MYH6: variants seen among roughly 807,000 people sequenced by gnomAD.
MYH6 encodes the protein myosin-6.
MYH6 carries 126 observed loss-of-function variants against 223.2 expected under a neutral mutation model. The observed-to-expected ratio is 0.56, with a 90% CI of 0.49 to 0.65. The LOEUF is 0.65. Ranked by LOEUF, MYH6 falls within the 30% of genes least tolerant of loss-of-function variation. The pLI is 0.00. For missense variants in MYH6, 2,040 were observed against 2,536.4 expected (o/e 0.80, Z 4.20); for synonymous variants, 978 against 1,010.2 (o/e 0.97, Z 0.61).
chr14:23,387,372 G>A (rs1477883004), intron 32 of MYH6, among the ~76,000 whole-genome samples, 157 bp downstream of exon 32: 1 of 152,196 alleles, frequency 6.6e-6, no homozygotes, highest in East Asian at 1.9e-4. Context: ...CTTGGCTTTG[G>A]AGGCAGTCAT....
intron 36 of MYH6, among the ~76,000 whole-genome samples, chr14:23,384,036 G>GGTCC (rs1890939861): frequency 6.6e-6 from 1 of 152,060 alleles, no homozygotes; most frequent in African/African-American, 2.4e-5. Flanking sequence ...AGCATTCTAG[G>GGTCC]GTCCTCTTTC....
chr14:23,397,952 C>CTTCTTCTTCTTCTTCTTT (rs1566512445), intron 15 of MYH6, among the ~76,000 whole-genome samples: 45 of 91,170 alleles, frequency 4.9e-4, no homozygotes, highest in Non-Finnish European at 6.3e-4. Context: ...TCTTCTTCTT[C>CTTCTTCTTCTTCTTCTTT]TTCTTCTTCT....
chr14:23,389,921 AG>A (rs1024752745), intron 26 of MYH6, 135 bp downstream of exon 26: 14 of 1,557,338 alleles, frequency 9.0e-6, no homozygotes, highest in Middle Eastern at 4.0e-4. Context: ...AGAGAGGGGC[AG>A]GGGAGACAGG....
intron 25 of MYH6, 91 bp downstream of exon 25, chr14:23,392,471 G>C (rs1455340936): frequency 2.0e-6 from 2 of 1,009,576 alleles, no homozygotes; most frequent in Non-Finnish European, 3.2e-6. Context: ...TGGAGTTCCA[G>C]ATATTGTGTA....
intron 20 of MYH6, 63 bp from the exon 21 acceptor site, chr14:23,394,386 CT>C: frequency 6.2e-7 from 1 of 1,604,386 alleles, no homozygotes; most frequent in Non-Finnish European, 8.5e-7. Flanking sequence ...ATCATGGGCC[CT>C]ACTAAGCAAG....
In MYH6 at chr14:23,392,620, T is replaced by A. The variant is rs1184174539; in HGVS notation, c.3284A>T (p.Lys1095Met). The change falls in exon 25 of 39, where the codon AAG becomes ATG. Residue 1095 changes from lysine to methionine, a missense_variant. This residue lies in a region of MYH6 where 1,203 missense variants were observed against 1,400.2 expected (regional missense o/e 0.86). Transcript: ENST00000405093. ...GGCCAGCACCTGCTCATCCTCAATC[T>A]TACTGTTCTGCTGATTAATGTCAAA... is the stretch of plus-strand genomic sequence containing the variant. ...KEFDINQQNSKIEDEQVLALQ... is the reference protein window; with the variant it reads ...KEFDINQQNSMIEDEQVLALQ... The A allele has an allele frequency of 1.9e-6, 3 of 1,612,686 alleles. No individual in the cohort carries two copies. Among genetic ancestry groups the A allele is most frequent in the Non-Finnish European group, 1.7e-6 (2 of 1,179,350 alleles).
Position 23,386,147 on chromosome 14 carries a change from G to C in MYH6, c.4960-16C>G. ...TCTGGGTGTCCTGAGCATCAGGAGA[G>C]TGGGTGTGAGCAGAAGCCAGCCTCG... On this transcript the variant is annotated splice_polypyrimidine_tract_variant and intron_variant, in intron 33 of 38. Coordinates refer to ENST00000405093, the MANE Select transcript of MYH6 (RefSeq NM_002471.4). 1 of 1,614,208 alleles carries C rather than the reference G, an allele frequency of 6.2e-7. No individual in the cohort carries two copies. Among genetic ancestry groups the C allele is most frequent in the Non-Finnish European group, 8.5e-7 (1 of 1,180,014 alleles).
In MYH6 at chr14:23,383,339, G is replaced by GGGGGGGGCCCCCCCCCCCCCC; in HGVS notation, c.5566-20_5566-19insGGGGGGGGGGGGGGCCCCCCC. 9.2e-6 allele frequency: 1 copy of GGGGGGGGCCCCCCCCCCCCCC among 108,192 alleles called. No homozygotes were observed. The allele number at this position is 108,192 out of a possible 1,614,324, so 6.7% of individuals were successfully genotyped here. A position where few individuals can be genotyped will look rare whatever the true frequency, so the allele number is the denominator to read the frequency against. ...CCTCTGTCTGGGGGTGGGAGGGTGG[G>GGGGGGGGCCCCCCCCCCCCCC]AGAAGCTGGTTTGGAGGGGGAGCAA... On this transcript the variant is annotated intron_variant, in intron 36 of 38. Transcript: ENST00000405093.
At position 23,387,853 on chromosome 14, in the gene MYH6, C is replaced by A. The variant is rs147586142; in HGVS notation, c.4430G>T (p.Arg1477Leu). 7 of 1,613,938 alleles carry A rather than the reference C, an allele frequency of 4.3e-6. No individual in the cohort carries two copies. The African/African-American group carries it at 9.3e-5, about 22-fold the overall frequency. ...CTTGAAGAGCTCTGTGCTGAGGGAG[C>A]GAGCCTCCTTCTGTGAGGACTCCAG... ...SELESSQKEA[R>L]SLSTELFKLK... The change falls in exon 31 of 39, where the codon CGC becomes CTC. Residue 1477 changes from arginine to leucine, a missense_variant. Arg to Leu is a moderately radical substitution (Grantham distance 102, BLOSUM62 -2). This residue lies in a region of MYH6 where 1,203 missense variants were observed against 1,400.2 expected (regional missense o/e 0.86). Coordinates refer to ENST00000405093, the MANE Select transcript of MYH6 (RefSeq NM_002471.4).
rs375189593 is a variant in MYH6 at position 23,402,519 on chromosome 14, G to A, written c.1086C>T (p.Asn362=). 1.8e-5 allele frequency: 29 copies of A among 1,613,618 alleles called. No individual in the cohort carries two copies. The highest frequency in any genetic ancestry group is 2.3e-5 in the Non-Finnish European group (27 of 1,179,964). ...CCCGCTGCTTCTGCTTGAACTTCAT[G>A]TTCCCGTAGTGCATGATGGCTCCCG... ...KLTGAIMHYG[N]MKFKQKQREE... Residue 362 remains asparagine (N), a synonymous_variant, in exon 12 of 39, where the codon AAC becomes AAT. Coordinates refer to ENST00000405093, the MANE Select transcript of MYH6 (RefSeq NM_002471.4).
chr14:23,404,137 A>G (rs12889823), intron 8 of MYH6, among the ~76,000 whole-genome samples, 159 bp downstream of exon 8: 7,879 of 152,332 alleles, frequency 0.052, 326 homozygotes, highest in African/African-American at 0.11. Context: ...GTGGAAAGTC[A>G]GACCTTTGGC....
Position 23,389,667 on chromosome 14 carries a change from C to A in MYH6, c.3785G>T (p.Arg1262Leu), listed in dbSNP as rs544358806. 4 of 1,614,160 alleles carry A rather than the reference C, an allele frequency of 2.5e-6. No individual in the cohort carries two copies. Among genetic ancestry groups the A allele is most frequent in the Non-Finnish European group, 3.4e-6 (4 of 1,180,032 alleles). ...RTLEDQANEYRVKLEEAQRSL... is the reference protein window; with the variant it reads ...RTLEDQANEYLVKLEEAQRSL... ...GCGTTGGGCCTCTTCTAGCTTCACG[C>A]GGTACTCATTGGCCTGGTCCTCCAG... The change falls in exon 27 of 39, where the codon CGC (arginine) becomes CTC (leucine). Residue 1262 changes from arginine (R) to leucine (L), a missense_variant. By Grantham distance (102) the Arg-to-Leu change is moderately radical. Transcript: ENST00000405093.
At chr14:23,392,405 A>G (rs1891259762) in intron 25 of MYH6, among the ~76,000 whole-genome samples, 157 bp downstream of exon 25, 1 of 152,100 alleles carries the variant, frequency 6.6e-6, no homozygotes, top group African/African-American at 2.4e-5. Flanking sequence ...CTATGGGGGA[A>G]GGCTAGTGTT....
chr14:23,393,163 C>T (rs1595055937), intron 23 of MYH6, 106 bp from the exon 24 acceptor site: 6 of 1,527,960 alleles, frequency 3.9e-6, no homozygotes, highest in Admixed American at 1.8e-5. Context: ...GGAAGTCAAA[C>T]CAACAGAGAA....
At chr14:23,402,111 C>G (rs996382333) in intron 12 of MYH6, among the ~76,000 whole-genome samples, 2 of 152,204 alleles carry the variant, frequency 1.3e-5, no homozygotes, top group Non-Finnish European at 2.9e-5. Flanking sequence ...CCCACTGCCT[C>G]CCAAACAACA....
Position 23,407,343 on chromosome 14 carries a change from C to A in MYH6, c.-13-107G>T. ...CCCTACCCCCGCTCCTCTCCTCCACCCTGGGAGAGGCACCTGCTGTTGCAC... is the reference window on the plus strand; with the variant it reads ...CCCTACCCCCGCTCCTCTCCTCCACACTGGGAGAGGCACCTGCTGTTGCAC... On this transcript the variant is annotated intron_variant, in intron 2 of 38. Transcript: ENST00000405093. This position sits in a 1 kb window ranked among gnomAD's most constrained non-coding sequence, Gnocchi z 5.6. 7.5e-7 allele frequency: 1 copy of A among 1,340,438 alleles called. No individual in the cohort carries two copies. Among genetic ancestry groups the A allele is most frequent in the Non-Finnish European group, 1.0e-6 (1 of 956,512 alleles). The allele number at this position is 1,340,438 out of a possible 1,614,324, so 83.0% of individuals were successfully genotyped here. A position where few individuals can be genotyped will look rare whatever the true frequency, so the allele number is the denominator to read the frequency against.
In MYH6 at chr14:23,389,519, T is replaced by C. The variant is rs772882288; in HGVS notation, c.3860-8A>G. On this transcript the variant is annotated splice_polypyrimidine_tract_variant and splice_region_variant and intron_variant, in intron 27 of 38. Transcript: ENST00000405093. ...GCTGCCGGGCCAACTCTCCTGGAGGTGAAATGAGGGGCTTGTGGGCCATTT... is the reference window on the plus strand; with the variant it reads ...GCTGCCGGGCCAACTCTCCTGGAGGCGAAATGAGGGGCTTGTGGGCCATTT... The C allele has an allele frequency of 3.3e-5, 53 of 1,613,248 alleles. No homozygotes were observed. Among genetic ancestry groups the C allele is most frequent in the Non-Finnish European group, 4.4e-5 (52 of 1,179,912 alleles).
rs886050412 is a variant in MYH6, at chr14:23,402,815, G to A, written c.899-15C>T. ...CAGCAGCATGTCTGCACCAGGCAAG[G>A]GGTGAGGCAGGGGCAAGGGGGCAGG... On this transcript the variant is annotated splice_polypyrimidine_tract_variant and intron_variant, in intron 10 of 38. Transcript: ENST00000405093. 22 of 1,610,704 alleles carry A rather than the reference G, an allele frequency of 1.4e-5. No individual in the cohort carries two copies. Among genetic ancestry groups the A allele is most frequent in the Non-Finnish European group, 1.7e-5 (20 of 1,177,970 alleles).
rs1891184475 is a variant in MYH6, at chr14:23,390,057, C to G, written c.3732G>C (p.Lys1244Asn). Residue 1244 changes from lysine (K) to asparagine (N), a missense_variant and splice_region_variant, in exon 26 of 39, where the codon AAG (lysine) becomes AAC (asparagine). Around this residue, in one of 4 missense-constraint regions of MYH6, gnomAD observed 1,203 missense variants for 1,400.2 expected, o/e 0.86. Transcript: ENST00000405093. ...CGAGGGGAGGCCGAGCAGAGCCTGC[C>G]TTGGCCTTGATGATCTGCTCCATGT... Reference protein sequence around the residue: ...TSNMEQIIKAKANLEKVSRTL... With the variant: ...TSNMEQIIKANANLEKVSRTL... 6.2e-7 allele frequency: 1 copy of G among 1,613,258 alleles called. No individual in the cohort carries two copies. The highest frequency in any genetic ancestry group is 8.5e-7 in the Non-Finnish European group (1 of 1,179,842).
Sources: allele counts gnomAD v4.1 joint callset (sites outside exome capture counted in the v4.1 genomes callset), GRCh38; gene constraint gnomAD v4.1.1; regional missense constraint gnomAD v4.1.1; non-coding constraint Gnocchi (gnomAD v3.1); transcripts MANE v1.5; gene names NCBI Gene and HGNC (gene_info 2026-07-23, HGNC 2026-07-21).